Variants in NT5C3A observed in about 807,000 individuals in gnomAD.
The protein encoded by NT5C3A is cytosolic 5'-nucleotidase 3A.
Under a neutral mutation model 40.0 loss-of-function variants are expected in NT5C3A, and 23 were observed. The ratio of observed to expected loss-of-function variants is 0.58; its 90% confidence interval spans 0.41 to 0.81. The LOEUF is 0.81. Ranked by LOEUF, NT5C3A falls within the 40% of genes least tolerant of loss-of-function variation. The pLI is 0.00. For synonymous variants in NT5C3A, 130 were observed against 141.4 expected, an observed-to-expected ratio of 0.92 and a Z score of 0.57; for missense variants, 328 against 403.0, an observed-to-expected ratio of 0.81 and a Z score of 1.59.
At chr7:33,035,822 GAAGA>G (rs754894387) in intron 1 of NT5C3A, 22 of 836,932 alleles carry the variant, frequency 2.6e-5, no homozygotes, top group Non-Finnish European at 4.4e-5. Context: ...GATGCACTGT[GAAGA>G]AAGAGTTGTA....
chr7:33,044,777 A>G (rs549960071), intron 1 of NT5C3A, among the ~76,000 whole-genome samples: 1 of 152,328 alleles, frequency 6.6e-6, no homozygotes, highest in South Asian at 2.1e-4. Flanking sequence ...TTATCACTTC[A>G]TATTTTGCCA....
chr7:33,033,533 C>G (rs1419782520), intron 1 of NT5C3A, among the ~76,000 whole-genome samples: 4 of 152,104 alleles, frequency 2.6e-5, no homozygotes, highest in Admixed American at 6.6e-5. Flanking sequence ...GGTGCATATT[C>G]TCTAATGTGG....
intron 1 of NT5C3A, among the ~76,000 whole-genome samples, chr7:33,041,403 C>T (rs938679951): frequency 4.6e-5 from 7 of 151,948 alleles, no homozygotes; most frequent in East Asian, 1.9e-4. Context: ...TATGGTTGCA[C>T]GGTAGTGTAG....
chr7:33,019,493 G>A, intron 6 of NT5C3A, 142 bp downstream of exon 6: 1 of 680,258 alleles, frequency 1.5e-6, no homozygotes. Context: ...TTACCACTAT[G>A]TATTTTGTGA....
At chr7:33,015,907 A>C in intron 7 of NT5C3A, 37 bp from the exon 8 acceptor site, 1 of 1,398,752 alleles carries the variant, frequency 7.1e-7, no homozygotes, top group Non-Finnish European at 1.0e-6. Flanking sequence ...AGGCTTTAAA[A>C]ATTCTATTTG....
At chr7:33,057,947 A>G (rs117146373) in intron 1 of NT5C3A, among the ~76,000 whole-genome samples, 29 of 152,298 alleles carry the variant, frequency 1.9e-4, no homozygotes, top group Non-Finnish European at 4.1e-4. Flanking sequence ...CTTGCATTTT[A>G]CTTCACTGGA....
chr7:33,039,087 C>A (rs1413582475), intron 1 of NT5C3A, among the ~76,000 whole-genome samples: 1 of 152,104 alleles, frequency 6.6e-6, no homozygotes, highest in African/African-American at 2.4e-5. Context: ...TAGGACAAGT[C>A]TAAAGACTGA....
intron 3 of NT5C3A, among the ~76,000 whole-genome samples, chr7:33,022,396 A>G (rs1326353643): frequency 6.6e-6 from 1 of 151,652 alleles, no homozygotes; most frequent in African/African-American, 2.4e-5. Context: ...CTGTGTATTG[A>G]TCACTTCCAT....
chr7:33,016,098 G>A (rs531702358), intron 7 of NT5C3A, among the ~76,000 whole-genome samples: 14 of 152,224 alleles, frequency 9.2e-5, no homozygotes, highest in Admixed American at 3.3e-4. Flanking sequence ...AACAAAGGCC[G>A]GGCGCAGGGG....
intron 1 of NT5C3A, chr7:33,029,688 C>G (rs1423214990): frequency 1.9e-5 from 24 of 1,289,666 alleles, no homozygotes; most frequent in Non-Finnish European, 2.3e-5. Context: ...ACCAAGACCA[C>G]TTCGAAGAAG....
intron 1 of NT5C3A, among the ~76,000 whole-genome samples, chr7:33,046,727 A>T (rs1406437901): frequency 2.0e-5 from 3 of 152,172 alleles, no homozygotes; most frequent in Admixed American, 1.3e-4. Flanking sequence ...GTAAGACAAT[A>T]ACATAAATGA....
chr7:33,019,581 A>C (rs974979112), intron 6 of NT5C3A, 54 bp downstream of exon 6: 3 of 1,003,370 alleles, frequency 3.0e-6, no homozygotes, highest in Non-Finnish European at 4.8e-6. Flanking sequence ...CTACATAAAT[A>C]GCAATAATTC....
chr7:33,060,107 C>T (rs1787717870), intron 1 of NT5C3A, among the ~76,000 whole-genome samples: 1 of 152,150 alleles, frequency 6.6e-6, no homozygotes, highest in Non-Finnish European at 1.5e-5. Context: ...GTGTGTGCCA[C>T]TGCACTGGCT....
At chr7:33,014,964 GA>G in intron 8 of NT5C3A, 133 bp from the exon 9 acceptor site, 3 of 812,368 alleles carry the variant, frequency 3.7e-6, no homozygotes, top group Non-Finnish European at 5.9e-6. Context: ...TCTTTGAAAT[GA>G]AGAAATATTT....
chr7:33,031,612 A>G (rs1786263385), intron 1 of NT5C3A, among the ~76,000 whole-genome samples: 1 of 152,046 alleles, frequency 6.6e-6, no homozygotes, highest in Non-Finnish European at 1.5e-5. Flanking sequence ...AAATAAAAAG[A>G]TTTTGTATTA....
intron 8 of NT5C3A, 123 bp from the exon 9 acceptor site, chr7:33,014,954 T>G: frequency 1.2e-6 from 1 of 855,562 alleles, no homozygotes; most frequent in Non-Finnish European, 1.8e-6. Flanking sequence ...TTTCAAAAAA[T>G]CTTTGAAATG....
intron 6 of NT5C3A, among the ~76,000 whole-genome samples, chr7:33,017,958 T>C (rs541374154): frequency 3.3e-5 from 5 of 152,304 alleles, no homozygotes; most frequent in South Asian, 2.1e-4. Context: ...GGCTTGAGGA[T>C]TGCTTGAGCC....
chr7:33,041,735 GA>G (rs537553499), intron 1 of NT5C3A, among the ~76,000 whole-genome samples: 2 of 151,582 alleles, frequency 1.3e-5, no homozygotes, highest in Non-Finnish European at 2.9e-5. Flanking sequence ...CTGTCATGAA[GA>G]AAAAAAAATT....
intron 1 of NT5C3A, among the ~76,000 whole-genome samples, chr7:33,055,665 C>G (rs1787541588): frequency 6.6e-6 from 1 of 152,194 alleles, no homozygotes; most frequent in Admixed American, 6.5e-5. Context: ...AGGGAAATGT[C>G]AAAGACCTAT....
Sources: gnomAD v4.1 joint callset for allele counts (sites outside exome capture counted in the v4.1 genomes callset) on GRCh38, gnomAD v4.1.1 for gene constraint, MANE v1.5 for transcripts, NCBI Gene and HGNC (gene_info 2026-07-23, HGNC 2026-07-21) for gene names.